ZNF638: variants seen among roughly 807,000 people sequenced by gnomAD.
The protein encoded by ZNF638 is zinc finger protein 638.
ZNF638 carries 46 observed loss-of-function variants against 195.6 expected under a neutral mutation model. The observed-to-expected ratio is 0.24, with a 90% CI of 0.19 to 0.30. ZNF638 has a LOEUF of 0.30. Among genes scored for constraint, ZNF638 ranks in the 10% least tolerant of loss-of-function variants. The pLI, the probability that ZNF638 is intolerant of heterozygous loss-of-function variation, is 1.00. For missense variants in ZNF638, 2,440 were observed against 2,325.3 expected (o/e 1.05, Z -1.01); for synonymous variants, 845 against 772.0 (o/e 1.09, Z -1.57).
intron 3 of ZNF638, among the ~76,000 whole-genome samples, chr2:71,362,470 C>T (rs2079126329): frequency 6.6e-6 from 1 of 152,030 alleles, no homozygotes; most frequent in Non-Finnish European, 1.5e-5. Flanking sequence ...ACCTCATTAC[C>T]TGATTTTAAG....
In ZNF638 at chr2:71,434,797, G is replaced by C. The variant is rs979733093; in HGVS notation, c.5927G>C (p.Ser1976Thr). The change falls in exon 28 of 28, where the codon AGC becomes ACC. Residue 1976 changes from serine to threonine, a missense_variant. Around this residue, in one of 5 missense-constraint regions of ZNF638, gnomAD observed 1,883 missense variants for 1,739.1 expected, o/e 1.08. Transcript: ENST00000264447. ...EKEQNEAEER[S>T]SR is the part of the protein sequence containing the mutation. ...GAGCAGAATGAGGCTGAAGAAAGAA[G>C]CTCTAGGTGATTGGGGGAAAGGAAA... 6.2e-7 allele frequency: 1 copy of C among 1,605,238 alleles called. No homozygotes were observed. The highest frequency in any genetic ancestry group is 1.7e-5 in the Admixed American group (1 of 57,924).
chr2:71,397,926 A>T (rs2079928391), intron 11 of ZNF638, among the ~76,000 whole-genome samples: 1 of 152,228 alleles, frequency 6.6e-6, no homozygotes, highest in South Asian at 2.1e-4. Flanking sequence ...AACAATCTTT[A>T]TATGACCTGA....
intron 6 of ZNF638, among the ~76,000 whole-genome samples, chr2:71,366,003 G>T (rs771006648): frequency 7.5e-4 from 114 of 152,188 alleles, no homozygotes; most frequent in Non-Finnish European, 1.5e-3. Flanking sequence ...ACTATGCCTG[G>T]CTTCGTAATT....
At chr2:71,388,322 G>T in intron 10 of ZNF638, 1 of 473,308 alleles carries the variant, frequency 2.1e-6, no homozygotes, top group Admixed American at 3.1e-5. Context: ...TCCGACCTTT[G>T]ATCATCCGAC....
At chr2:71,390,744 T>C (rs1203704071) in intron 10 of ZNF638, among the ~76,000 whole-genome samples, 2 of 152,170 alleles carry the variant, frequency 1.3e-5, no homozygotes, top group Non-Finnish European at 2.9e-5. Context: ...ATTTCGATTA[T>C]TAGTTATCAA....
chr2:71,352,296 G>A (rs569585845), intron 2 of ZNF638, among the ~76,000 whole-genome samples: 1 of 151,972 alleles, frequency 6.6e-6, no homozygotes, highest in East Asian at 1.9e-4. Flanking sequence ...TTACTGACAT[G>A]GTGAAATCCT....
At chr2:71,411,507 G>T (rs1573143750) in intron 20 of ZNF638, among the ~76,000 whole-genome samples, 4 of 119,416 alleles carry the variant, frequency 3.3e-5, no homozygotes, top group Admixed American at 9.1e-5. Context: ...TAAGTTTTAG[G>T]GTACATGTGC....
chr2:71,342,680 G>A (rs932925961), intron 1 of ZNF638, among the ~76,000 whole-genome samples: 16 of 112,848 alleles, frequency 1.4e-4, no homozygotes, highest in Non-Finnish European at 2.6e-4. Context: ...ATTTTTGTGC[G>A]TGCGTGTGTG....
At chr2:71,399,843 C>G (rs2079970595) in intron 13 of ZNF638, among the ~76,000 whole-genome samples, 198 bp downstream of exon 13, 1 of 152,142 alleles carries the variant, frequency 6.6e-6, no homozygotes, top group Admixed American at 6.6e-5. Flanking sequence ...GTCCCATCCT[C>G]CACCTTCCAA....
chr2:71,351,450 C>A (rs1240897813), intron 2 of ZNF638, among the ~76,000 whole-genome samples: 1 of 152,156 alleles, frequency 6.6e-6, no homozygotes, highest in Non-Finnish European at 1.5e-5. Flanking sequence ...AAGGGAAAGT[C>A]TTAGAATAAT....
rs1370398028 is a variant in ZNF638 at position 71,423,364 on chromosome 2, G to C, written c.3850G>C (p.Val1284Leu). The C allele has an allele frequency of 1.9e-6, 3 of 1,613,926 alleles. No individual in the cohort carries two copies. The South Asian group carries it at 3.3e-5, about 18-fold the overall frequency. The stretch of plus-strand genomic sequence containing the variant: ...GCCATCAACTTGTATTGTGACGTTA[G>C]TACCAGGAATTCCCACTGGGGATGA... ...ILPSTCIVTL[V>L]PGIPTGDEKT... Residue 1284 changes from valine to leucine, a missense_variant, in exon 22 of 28, where the codon GTA becomes CTA. By Grantham distance (32) the Val-to-Leu change is conservative. This residue lies in a region of ZNF638 where 1,883 missense variants were observed against 1,739.1 expected (regional missense o/e 1.08). Transcript: ENST00000264447.
At chr2:71,390,548 A>G (rs1245489481) in intron 10 of ZNF638, among the ~76,000 whole-genome samples, 1 of 152,172 alleles carries the variant, frequency 6.6e-6, no homozygotes, top group Non-Finnish European at 1.5e-5. Flanking sequence ...CCCTAAATCT[A>G]AAATAGCTCA....
chr2:71,375,766 G>A (rs2104329178), intron 8 of ZNF638: 1 of 152,344 alleles, frequency 6.6e-6, no homozygotes. Flanking sequence ...AAATGATTTT[G>A]AAGGCAAAGA....
Position 71,388,863 on chromosome 2 carries a change from T to G in ZNF638, c.2378-7278T>G, listed in dbSNP as rs1023666464. On this transcript the variant is annotated intron_variant, in intron 10 of 27. Transcript: ENST00000264447. ...ACAACTGCTTAAAGCTAGCAGAGCC[T>G]CGGTTTCACAGGCTCAGTTAAGGGT... 3 of 644,728 alleles carry G rather than the reference T, an allele frequency of 4.7e-6. No homozygotes were observed. The African/African-American group carries it at 5.4e-5, about 12-fold the overall frequency. The allele number at this position is 644,728 out of a possible 1,614,324, so 39.9% of individuals were successfully genotyped here. A position where few individuals can be genotyped will look rare whatever the true frequency, so the allele number is the denominator to read the frequency against.
intron 6 of ZNF638, among the ~76,000 whole-genome samples, chr2:71,366,034 G>C (rs148300604): frequency 2.0e-5 from 3 of 152,142 alleles, no homozygotes; most frequent in African/African-American, 4.8e-5. Context: ...GCAAATATGC[G>C]TACATTTGCT....
chr2:71,379,424 A>C (rs2079494021), intron 8 of ZNF638: 1 of 152,232 alleles, frequency 6.6e-6, no homozygotes, highest in Non-Finnish European at 1.5e-5. Flanking sequence ...TAGAGTATCC[A>C]CATTTTATAT....
chr2:71,355,545 TG>T (rs1208479438), intron 2 of ZNF638, among the ~76,000 whole-genome samples, 173 bp from the exon 3 acceptor site: 1 of 152,256 alleles, frequency 6.6e-6, no homozygotes, highest in East Asian at 1.9e-4. Context: ...TAAGTGCATT[TG>T]TTTCAAGGCC....
At chr2:71,433,657 T>A (rs914917793) in intron 27 of ZNF638, 3 of 159,870 alleles carry the variant, frequency 1.9e-5, no homozygotes, top group Non-Finnish European at 2.7e-5. Flanking sequence ...TAAACTGATT[T>A]AATCACAAAA....
chr2:71,380,476 C>T, intron 9 of ZNF638, 37 bp from the exon 10 acceptor site: 3 of 1,545,936 alleles, frequency 1.9e-6, no homozygotes, highest in East Asian at 4.6e-5. Flanking sequence ...ACTTAGAATT[C>T]CTAAGTTGCT....
Sources: allele counts gnomAD v4.1 joint callset (sites outside exome capture counted in the v4.1 genomes callset), GRCh38; gene constraint gnomAD v4.1.1; regional missense constraint gnomAD v4.1.1; transcripts MANE v1.5; gene names NCBI Gene and HGNC (gene_info 2026-07-23, HGNC 2026-07-21).